The following RGL4 variants were observed in gnomAD, a reference collection of about 807,000 sequenced individuals.
RGL4 encodes the protein ral guanine nucleotide dissociation stimulator like 4, also known as ral-GDS-related protein.
Under a neutral mutation model 49.6 loss-of-function variants are expected in RGL4, and 41 were observed. That is an observed-to-expected ratio of 0.83 (90% confidence interval 0.64 to 1.07). The LOEUF is 1.07. Ranked by LOEUF, RGL4 falls within the 50% of genes least tolerant of loss-of-function variation. The pLI, the probability that RGL4 is intolerant of heterozygous loss-of-function variation, is 0.00. For missense variants in RGL4, 610 were observed against 591.9 expected, an observed-to-expected ratio of 1.03 and a Z score of -0.32; for synonymous variants, 255 against 238.0, an observed-to-expected ratio of 1.07 and a Z score of -0.66.
Position 23,698,308 on chromosome 22 carries a change from A to G in RGL4, c.1357A>G (p.Met453Val). Reference sequence around the variant, plus strand: ...GAAATTTGTCACCTATTTCACAAGAATGGAGCAGCTCAGTGACAAAGAGAG... The same window carrying G: ...GAAATTTGTCACCTATTTCACAAGAGTGGAGCAGCTCAGTGACAAAGAGAG... The part of the protein sequence containing the change: ...LEKFVTYFTR[M>V]EQLSDKESYK... The change falls in exon 10 of 11, where the codon ATG becomes GTG. Residue 453 changes from methionine (M) to valine (V), a missense_variant. By Grantham distance (21) the Met-to-Val change is conservative (BLOSUM62 1). Transcript: ENST00000290691. 1 of 1,609,452 alleles carries G rather than the reference A, an allele frequency of 6.2e-7. No homozygotes were observed.
At chr22:23,698,685 TG>T in intron 10 of RGL4, 158 bp from the exon 11 acceptor site, 1 of 967,596 alleles carries the variant, frequency 1.0e-6, no homozygotes, top group Non-Finnish European at 1.5e-6. Flanking sequence ...GGCTCTCCCG[TG>T]GCCAGCTGCA....
intron 4 of RGL4, 127 bp downstream of exon 4, chr22:23,694,101 T>C (rs1459027424): frequency 4.6e-6 from 4 of 870,912 alleles, no homozygotes; most frequent in Non-Finnish European, 7.2e-6. Context: ...AGGCTCTTCT[T>C]GCCAGAGCTT....
At chr22:23,695,438 T>TCTGCTGCTGCTG (rs60344348) in intron 6 of RGL4, 16 of 548,526 alleles carry the variant, frequency 2.9e-5, no homozygotes, top group African/African-American at 6.1e-5. Flanking sequence ...AAGCCAGGCC[T>TCTGCTGCTGCTG]CTGCTGCTGC....
rs1923501221 is a variant in RGL4, at chr22:23,696,492, G to C, written c.1087-122G>C. On this transcript the variant is annotated intron_variant, in intron 6 of 10. Transcript: ENST00000290691. Reference sequence around the variant, plus strand: ...ACACAGGGAGTGTGGATCTGGGCCAGTGGTATGAGCACGGTGCCAGGTGGC... The same window carrying C: ...ACACAGGGAGTGTGGATCTGGGCCACTGGTATGAGCACGGTGCCAGGTGGC... 7 of 1,565,392 alleles carry C rather than the reference G, an allele frequency of 4.5e-6. No homozygotes were observed. In the South Asian group the frequency reaches 4.7e-5, roughly 10 times the overall value.
At chr22:23,695,959 G>A (rs1341709964) in intron 6 of RGL4, among the ~76,000 whole-genome samples, 3 of 152,360 alleles carry the variant, frequency 2.0e-5, no homozygotes, top group East Asian at 3.9e-4. Flanking sequence ...CCCAGTTTGC[G>A]TGGCAGAGAT....
chr22:23,694,271 T>A, intron 4 of RGL4, 76 bp from the exon 5 acceptor site: 1 of 1,144,900 alleles, frequency 8.7e-7, no homozygotes, highest in Non-Finnish European at 1.3e-6. Flanking sequence ...GGAGGGGAGA[T>A]CTCAGCAGAG....
chr22:23,694,379 G>A lies in RGL4; in HGVS notation c.945G>A (p.Val315=), dbSNP rs142261962. The A allele has an allele frequency of 1.1e-4, 177 of 1,614,002 alleles. No homozygotes were observed. In the African/African-American group the frequency reaches 2.1e-3, roughly 19 times the overall value. Residue 315 remains valine (V), a synonymous_variant, in exon 5 of 11, where the codon GTG becomes GTA. Coordinates refer to ENST00000290691, the MANE Select transcript of RGL4 (RefSeq NM_153615.2). Reference sequence around the variant, plus strand: ...TAAGCCTCAACAACTTCTCCTCGGTGCACGTCATCGTCTCTGCTCTGTGCA... The same window carrying A: ...TAAGCCTCAACAACTTCTCCTCGGTACACGTCATCGTCTCTGCTCTGTGCA... The part of the protein sequence containing the change: ...ECLSLNNFSS[V]HVIVSALCSN...
At chr22:23,695,588 GTA>G in intron 6 of RGL4, 1 of 383,838 alleles carries the variant, frequency 2.6e-6, no homozygotes, top group Non-Finnish European at 5.2e-6. Context: ...CCAGCTTTGG[GTA>G]CCAATGGGCA....
At position 23,696,606 on chromosome 22, in the gene RGL4, C is replaced by G. The variant is rs746691852; in HGVS notation, c.1087-8C>G. On this transcript the variant is annotated splice_region_variant and splice_polypyrimidine_tract_variant and intron_variant, in intron 6 of 10. Transcript: ENST00000290691. ...AGCCTCACTGTCCCTGTCGCTGACA[C>G]CTGGCAGGCGGGGAGCTTTAAGGTG... The G allele has an allele frequency of 3.1e-6, 5 of 1,613,758 alleles. No homozygotes were observed. The highest frequency in any genetic ancestry group is 3.4e-6 in the Non-Finnish European group (4 of 1,179,832).
At chr22:23,693,257 T>C in intron 3 of RGL4, 1 of 586,862 alleles carries the variant, frequency 1.7e-6, no homozygotes, top group East Asian at 3.2e-5. Flanking sequence ...AGGTGCTCAC[T>C]GTGGGGCAGG....
chr22:23,695,421 C>A, intron 6 of RGL4: 2 of 562,650 alleles, frequency 3.6e-6, no homozygotes, highest in Non-Finnish European at 3.1e-6. Context: ...GCCAGCAATT[C>A]CTCAGGAAGC....
chr22:23,692,984 T>C lies in RGL4; in HGVS notation c.689T>C (p.Met230Thr), dbSNP rs1051320448. Reference protein sequence around the residue: ...PRLLAEQLTLMDAELFKKVVL... With the variant: ...PRLLAEQLTLTDAELFKKVVL... ...CTGCTGGCAGAGCAGCTGACCCTCA[T>C]GGATGCGGTGAGCAGCTGAGCTTTG... is the stretch of plus-strand genomic sequence containing the variant. The change falls in exon 3 of 11, where the codon ATG becomes ACG. Residue 230 changes from methionine to threonine, a missense_variant. Transcript: ENST00000290691. The C allele has an allele frequency of 7.5e-6, 12 of 1,599,972 alleles. No homozygotes were observed. The highest frequency in any genetic ancestry group is 1.0e-5 in the Non-Finnish European group (12 of 1,171,736).
In RGL4 at chr22:23,694,337, C is replaced by T. The variant is rs575553047; in HGVS notation, c.913-10C>T. 4.4e-6 allele frequency: 7 copies of T among 1,603,018 alleles called. No individual in the cohort carries two copies. The Admixed American group carries it at 1.0e-4, about 23-fold the overall frequency. ...ACTCTGAACCGCACAGCTCATTCTT[C>T]CCTCTCCAGGAGTGCCTAAGCCTCA... On this transcript the variant is annotated splice_polypyrimidine_tract_variant and intron_variant, in intron 4 of 10. Coordinates refer to ENST00000290691, the MANE Select transcript of RGL4 (RefSeq NM_153615.2).
At position 23,699,011 on chromosome 22, in the gene RGL4, T is replaced by A; in HGVS notation, c.*128T>A. The A allele has an allele frequency of 2.6e-6, 4 of 1,551,206 alleles. No homozygotes were observed. In the South Asian group the frequency reaches 4.8e-5, roughly 18 times the overall value. On this transcript the variant is annotated 3_prime_UTR_variant, in exon 11 of 11. Coordinates refer to ENST00000290691, the MANE Select transcript of RGL4 (RefSeq NM_153615.2). ...CTAGGAGGCTGGCAGCTCAGCTGCA[T>A]CTTGCCCTGGATCCTCATCACCAAC...
Position 23,692,833 on chromosome 22 carries a change from G to T in RGL4, c.538G>T (p.Glu180Ter). The T allele has an allele frequency of 6.2e-7, 1 of 1,613,574 alleles. No individual in the cohort carries two copies. Among genetic ancestry groups the T allele is most frequent in the South Asian group, 1.1e-5 (1 of 91,086 alleles). The change falls in exon 3 of 11, where the codon GAA becomes TAA. Residue 180 changes from glutamate to a stop codon, truncating the protein, a stop_gained. Coordinates refer to ENST00000290691, the MANE Select transcript of RGL4 (RefSeq NM_153615.2). LOFTEE classifies it high-confidence loss of function. ...ACCAGGGCCAGCACCAGCACCAGGGGAAGGGCCCCCTCCAGGGACAGTGCT... is the reference window on the plus strand; with the variant it reads ...ACCAGGGCCAGCACCAGCACCAGGGTAAGGGCCCCCTCCAGGGACAGTGCT... ...SAPGPAPAPGEGPPPGTVLEP... is the reference protein window; with the variant it reads ...SAPGPAPAPG
chr22:23,693,917 C>T lies in RGL4; in HGVS notation c.855C>T (p.His285=). 6.2e-7 allele frequency: 1 copy of T among 1,613,928 alleles called. No homozygotes were observed. Among genetic ancestry groups the T allele is most frequent in the African/African-American group, 1.3e-5 (1 of 75,042 alleles). The change falls in exon 4 of 11, where the codon CAC becomes CAT. Residue 285 remains histidine, a synonymous_variant. Coordinates refer to ENST00000290691, the MANE Select transcript of RGL4 (RefSeq NM_153615.2). Reference sequence around the variant, plus strand: ...TCACCACCTCCTGCCTCGGGGACCACAGCATGAGGGCCCGGGACAGGGCCA... The same window carrying T: ...TCACCACCTCCTGCCTCGGGGACCATAGCATGAGGGCCCGGGACAGGGCCA... ...NCITTSCLGD[H]SMRARDRARV...
In RGL4 at chr22:23,694,330, C is replaced by T. The variant is rs755622924; in HGVS notation, c.913-17C>T. On this transcript the variant is annotated splice_polypyrimidine_tract_variant and intron_variant, in intron 4 of 10. Coordinates refer to ENST00000290691, the MANE Select transcript of RGL4 (RefSeq NM_153615.2). ...AGCTCCAACTCTGAACCGCACAGCT[C>T]ATTCTTCCCTCTCCAGGAGTGCCTA... is the stretch of plus-strand genomic sequence containing the variant. The T allele has an allele frequency of 3.8e-6, 6 of 1,589,624 alleles. No homozygotes were observed. The highest frequency in any genetic ancestry group is 2.2e-5 in the East Asian group (1 of 44,734).
At position 23,692,104 on chromosome 22, in the gene RGL4, G is replaced by A; in HGVS notation, c.74G>A (p.Gly25Asp). The A allele has an allele frequency of 6.2e-7, 1 of 1,614,164 alleles. No individual in the cohort carries two copies. Among genetic ancestry groups the A allele is most frequent in the African/African-American group, 1.3e-5 (1 of 75,054 alleles). ...SAQVYSAVLQ[G>D]LWEENVCGTP... ...CAGGTGTACAGTGCTGTGCTCCAGG[G>A]CCTTTGGGAAGAGAATGTCTGTGGG... Residue 25 changes from glycine (G) to aspartate (D), a missense_variant, in exon 1 of 11, where the codon GGC (glycine) becomes GAC (aspartate). By Grantham distance (94) the Gly-to-Asp change is moderately conservative (BLOSUM62 -1). Coordinates refer to ENST00000290691, the MANE Select transcript of RGL4 (RefSeq NM_153615.2).
In RGL4 at chr22:23,692,442, C is replaced by T; in HGVS notation, c.287C>T (p.Ser96Phe). Reference sequence around the variant, plus strand: ...ATAAAGCTGGCCTTCAGGAACCTCTCCTGGCCTGGACTGGGCTTGGAGGAC... The same window carrying T: ...ATAAAGCTGGCCTTCAGGAACCTCTTCTGGCCTGGACTGGGCTTGGAGGAC... Reference protein sequence around the residue: ...FRIKLAFRNLSWPGLGLEDHQ... With the variant: ...FRIKLAFRNLFWPGLGLEDHQ... Residue 96 changes from serine to phenylalanine, a missense_variant, in exon 2 of 11, where the codon TCC becomes TTC. Physicochemically the swap from Ser to Phe is radical, Grantham distance 155. Transcript: ENST00000290691. The T allele has an allele frequency of 6.2e-7, 1 of 1,614,234 alleles. No individual in the cohort carries two copies. Among genetic ancestry groups the T allele is most frequent in the South Asian group, 1.1e-5 (1 of 91,090 alleles).
Sources: gnomAD v4.1 joint callset for allele counts (sites outside exome capture counted in the v4.1 genomes callset) on GRCh38, gnomAD v4.1.1 for gene constraint, MANE v1.5 for transcripts, NCBI Gene and HGNC (gene_info 2026-07-23, HGNC 2026-07-21) for gene names.